The following EXOC4 variants were observed in gnomAD, a reference collection of about 807,000 sequenced individuals.
The protein encoded by EXOC4 is exocyst complex component 4.
A neutral mutation model predicts 107.2 loss-of-function variants in EXOC4; 71 were observed. The ratio of observed to expected loss-of-function variants is 0.66; its 90% CI spans 0.55 to 0.81. The LOEUF (loss-of-function observed/expected upper bound fraction) is 0.81, where lower values mean the gene tolerates loss of function less well. Ranked by LOEUF, EXOC4 falls within the 30% of genes least tolerant of loss-of-function variation. EXOC4 has a pLI of 0.00. For missense variants in EXOC4, 1,108 were observed against 1,189.6 expected, an observed-to-expected ratio of 0.93 and a Z score of 1.01; for synonymous variants, 456 against 441.2, an observed-to-expected ratio of 1.03 and a Z score of -0.42.
At chr7:133,620,730 TCA>T (rs1802310185) in intron 9 of EXOC4, among the ~76,000 whole-genome samples, 1 of 152,190 alleles carries the variant, frequency 6.6e-6, no homozygotes, top group Non-Finnish European at 1.5e-5. Flanking sequence ...GTTCCCCAGC[TCA>T]CACACATGAG....
At chr7:134,006,229 T>C (rs773475360) in intron 16 of EXOC4, among the ~76,000 whole-genome samples, 5 of 151,794 alleles carry the variant, frequency 3.3e-5, no homozygotes, top group Non-Finnish European at 7.4e-5. Context: ...TATTTCTTAT[T>C]CTCTACAAAC....
intron 10 of EXOC4, among the ~76,000 whole-genome samples, chr7:133,696,683 T>G (rs566252508): frequency 6.6e-6 from 1 of 152,330 alleles, no homozygotes; most frequent in African/African-American, 2.4e-5. Context: ...GAGAATAACA[T>G]AATTATTGAT....
At chr7:133,823,844 TA>T (rs1563014533) in intron 11 of EXOC4, among the ~76,000 whole-genome samples, 9 of 1,546 alleles carry the variant, frequency 5.8e-3, no homozygotes, top group African/African-American at 8.3e-3. Context: ...ATATATATAT[TA>T]TATATATATA....
intron 10 of EXOC4, among the ~76,000 whole-genome samples, chr7:133,774,447 C>T (rs1430274292): frequency 1.3e-5 from 2 of 152,074 alleles, no homozygotes; most frequent in Admixed American, 6.6e-5. Flanking sequence ...TTAGTTTAGC[C>T]AGAGCCCAGC....
chr7:134,074,364 A>C, the EXOC4 span, among the ~76,000 whole-genome samples: 2 of 152,162 alleles, frequency 1.3e-5, no homozygotes, highest in African/African-American at 4.8e-5. Flanking sequence ...GAAGCTTGTT[A>C]ACCAGACTTC....
chr7:133,691,688 C>A (rs890834510), intron 10 of EXOC4, among the ~76,000 whole-genome samples: 12 of 152,138 alleles, frequency 7.9e-5, no homozygotes, highest in African/African-American at 2.9e-4. Flanking sequence ...CAGTAAGTGG[C>A]AGGTAGGAAA....
At chr7:133,386,131 C>T (rs1401777500) in intron 7 of EXOC4, among the ~76,000 whole-genome samples, 2 of 151,920 alleles carry the variant, frequency 1.3e-5, no homozygotes, top group African/African-American at 4.8e-5. Flanking sequence ...TTGTCTTTTC[C>T]TCTTTTAAAA....
At chr7:134,096,842 C>G in the EXOC4 span, among the ~76,000 whole-genome samples, 1 of 151,964 alleles carries the variant, frequency 6.6e-6, no homozygotes, top group Non-Finnish European at 1.5e-5. Context: ...TCTGCCTCTC[C>G]CATTCACTGA....
intron 17 of EXOC4, among the ~76,000 whole-genome samples, chr7:134,054,262 G>A (rs955670321): frequency 2.0e-5 from 3 of 152,048 alleles, no homozygotes; most frequent in African/African-American, 7.2e-5. Flanking sequence ...GAAATGCTCT[G>A]GTTCCATGGC....
At chr7:133,938,192 C>T in intron 14 of EXOC4, 123 bp downstream of exon 14, 1 of 925,280 alleles carries the variant, frequency 1.1e-6, no homozygotes, top group Non-Finnish European at 1.6e-6. Flanking sequence ...TCAGAAGATC[C>T]TGGTTAGAAT....
intron 14 of EXOC4, among the ~76,000 whole-genome samples, chr7:133,943,311 G>A (rs2116754725): frequency 6.6e-6 from 1 of 152,274 alleles, no homozygotes; most frequent in Middle Eastern, 3.4e-3. Flanking sequence ...CAGATCACAT[G>A]TACCCTCCTG....
At chr7:133,487,575 G>A (rs141784715) in intron 9 of EXOC4, among the ~76,000 whole-genome samples, 1 of 152,162 alleles carries the variant, frequency 6.6e-6, no homozygotes, top group East Asian at 1.9e-4. Flanking sequence ...TGGGTGTGGT[G>A]GTATGTACCT....
At chr7:133,969,871 TG>T (rs1801161196) in intron 14 of EXOC4, among the ~76,000 whole-genome samples, 1 of 152,214 alleles carries the variant, frequency 6.6e-6, no homozygotes. Context: ...AGTGCTGTGC[TG>T]GGAGATCTGC....
intron 10 of EXOC4, among the ~76,000 whole-genome samples, chr7:133,700,252 A>AT (rs1363725536): frequency 2.6e-5 from 4 of 152,144 alleles, no homozygotes; most frequent in African/African-American, 9.7e-5. Context: ...AACACGCAAT[A>AT]TTTTACAGTT....
chr7:133,908,548 A>G (rs1799620069), intron 12 of EXOC4, among the ~76,000 whole-genome samples: 1 of 152,222 alleles, frequency 6.6e-6, no homozygotes, highest in Non-Finnish European at 1.5e-5. Flanking sequence ...TTCAGGTTCT[A>G]CCTTGCTAGT....
intron 7 of EXOC4, among the ~76,000 whole-genome samples, chr7:133,423,711 T>C (rs910071403): frequency 2.0e-5 from 3 of 152,186 alleles, no homozygotes; most frequent in Non-Finnish European, 4.4e-5. Context: ...TGGCAGAGGC[T>C]GAAGCCGGCT....
intron 11 of EXOC4, among the ~76,000 whole-genome samples, chr7:133,825,426 A>G (rs1031133213): frequency 6.6e-6 from 1 of 152,162 alleles, no homozygotes; most frequent in African/African-American, 2.4e-5. Context: ...GATGGTCTAA[A>G]TTCTAGATGT....
intron 17 of EXOC4, among the ~76,000 whole-genome samples, chr7:134,012,734 G>A (rs1794800829): frequency 6.6e-6 from 1 of 152,302 alleles, no homozygotes; most frequent in South Asian, 2.1e-4. Context: ...AGGAGCACAA[G>A]TAGATGAAAA....
intron 10 of EXOC4, among the ~76,000 whole-genome samples, chr7:133,685,903 C>G (rs1794288174): frequency 6.6e-6 from 1 of 152,088 alleles, no homozygotes; most frequent in African/African-American, 2.4e-5. Context: ...TCTCCAGTTT[C>G]TATTATTGCT....
Sources: allele counts gnomAD v4.1 joint callset (sites outside exome capture counted in the v4.1 genomes callset), GRCh38; gene constraint gnomAD v4.1.1; transcripts MANE v1.5; gene names NCBI Gene and HGNC (gene_info 2026-07-23, HGNC 2026-07-21).